LHX8: variants seen among roughly 807,000 people sequenced by gnomAD.
LHX8 encodes LIM homeobox 8.
Under a neutral mutation model 40.3 loss-of-function variants are expected in LHX8, and 12 were observed. That is an observed-to-expected ratio of 0.30 (90% CI 0.19 to 0.48). The LOEUF is 0.48. Among genes scored for constraint, LHX8 ranks in the 20% least tolerant of loss-of-function variants. The pLI is 0.99. For missense variants in LHX8, 344 were observed against 433.7 expected, an observed-to-expected ratio of 0.79 and a Z score of 1.84; for synonymous variants, 179 against 162.0, an observed-to-expected ratio of 1.10 and a Z score of -0.80.
chr1:75,174,533 A>G, the LHX8 span, among the ~76,000 whole-genome samples: 1 of 152,194 alleles, frequency 6.6e-6, no homozygotes, highest in African/African-American at 2.4e-5. Flanking sequence ...ACACACACAC[A>G]CACACGCCAC....
intron 6 of LHX8, among the ~76,000 whole-genome samples, chr1:75,146,238 C>G (rs937263800): frequency 6.6e-6 from 1 of 151,994 alleles, no homozygotes; most frequent in African/African-American, 2.4e-5. Flanking sequence ...TCAAGACTAT[C>G]TAGTCAGTAC....
chr1:75,195,136 T>A, the LHX8 span, among the ~76,000 whole-genome samples: 1 of 152,196 alleles, frequency 6.6e-6, no homozygotes, highest in Non-Finnish European at 1.5e-5. Context: ...TATCTGTCTC[T>A]CCTCTGCAAT....
the LHX8 span, among the ~76,000 whole-genome samples, chr1:75,197,938 A>G: frequency 6.6e-6 from 1 of 152,194 alleles, no homozygotes; most frequent in Non-Finnish European, 1.5e-5. Flanking sequence ...GAAACATTAA[A>G]TTTAACTGTT....
chr1:75,171,291 T>A, the LHX8 span, among the ~76,000 whole-genome samples: 3 of 152,170 alleles, frequency 2.0e-5, no homozygotes, highest in East Asian at 5.8e-4. Context: ...GTACACTTGG[T>A]AGCCAACATC....
At chr1:75,160,393 T>C (rs1648886231) in intron 8 of LHX8, 1 of 195,224 alleles carries the variant, frequency 5.1e-6, no homozygotes, top group Admixed American at 5.4e-5. Context: ...AACACAGTAG[T>C]GTTGCCTGAG....
chr1:75,152,667 G>A (rs1648641188), intron 7 of LHX8, among the ~76,000 whole-genome samples: 1 of 152,142 alleles, frequency 6.6e-6, no homozygotes, highest in Non-Finnish European at 1.5e-5. Context: ...TGAGTCCAAA[G>A]ATAAAACATG....
At position 75,128,787 on chromosome 1, in the gene LHX8, A is replaced by G. The variant is rs569962954; in HGVS notation, c.-490+179A>G. ...AATGTTATAGATTAACTCTCAAATA[A>G]ACCAGCGACAAAGGAGATGAAAAAG... On this transcript the variant is annotated intron_variant, in intron 1 of 9. Coordinates refer to the LHX8 transcript ENST00000294638. 3.3e-5 allele frequency among the ~76,000 whole-genome samples: 5 copies of G among 152,324 alleles called. No homozygotes were observed. The South Asian group carries it at 1.0e-3, about 32-fold the overall frequency.
At chr1:75,166,112 G>A (rs563610882), downstream of LHX8, among the ~76,000 whole-genome samples, 1 of 152,348 alleles carries the variant, frequency 6.6e-6, no homozygotes. Context: ...AGGTGATGGA[G>A]CACCAGAAGT....
chr1:75,187,427 G>T, the LHX8 span, among the ~76,000 whole-genome samples: 2 of 152,224 alleles, frequency 1.3e-5, no homozygotes, highest in Middle Eastern at 3.2e-3. Flanking sequence ...TCTTGGCTGA[G>T]AAATTATTAT....
the LHX8 span, among the ~76,000 whole-genome samples, chr1:75,171,855 A>G: frequency 5.9e-5 from 9 of 152,206 alleles, no homozygotes; most frequent in African/African-American, 2.2e-4. Flanking sequence ...CAGAGGGAGA[A>G]GGAGCATGGT....
chr1:75,160,853 G>T lies in LHX8; in HGVS notation c.999G>T (p.Leu333Phe). The T allele has an allele frequency of 6.2e-7, 1 of 1,613,212 alleles. No individual in the cohort carries two copies. Among genetic ancestry groups the T allele is most frequent in the Non-Finnish European group, 8.5e-7 (1 of 1,179,332 alleles). Residue 333 changes from leucine to phenylalanine, a missense_variant, in exon 9 of 9, where the codon TTG becomes TTT. Physicochemically the swap from Leu to Phe is conservative, Grantham distance 22. Around this residue, in one of 3 missense-constraint regions of LHX8, gnomAD observed 89 missense variants for 92.8 expected, o/e 0.96. Coordinates refer to ENST00000356261, the MANE Select transcript of LHX8 (RefSeq NM_001256114.2). ...CAACAACTCTTGGACTCCAGCCCTT[G>T]TTACCCCATTCAATGACACAACTGC... The part of the protein sequence containing the change: ...HSPTTLGLQP[L>F]LPHSMTQLPI...
downstream of LHX8, among the ~76,000 whole-genome samples, chr1:75,164,454 A>G (rs779118272): frequency 6.6e-6 from 1 of 152,078 alleles, no homozygotes; most frequent in Non-Finnish European, 1.5e-5. Flanking sequence ...TTTAATGTAT[A>G]TTCTTATTTC....
chr1:75,198,920 G>A, the LHX8 span, among the ~76,000 whole-genome samples: 1 of 152,188 alleles, frequency 6.6e-6, no homozygotes, highest in Non-Finnish European at 1.5e-5. Flanking sequence ...AGCTCATCAT[G>A]ACAGCAAAGC....
At chr1:75,133,306 T>C (rs1312262822), upstream of LHX8, among the ~76,000 whole-genome samples, 1 of 149,320 alleles carries the variant, frequency 6.7e-6, no homozygotes, top group Non-Finnish European at 1.5e-5. Flanking sequence ...TTACACAGGC[T>C]CACTTCATCA....
the LHX8 span, among the ~76,000 whole-genome samples, chr1:75,191,342 T>G: frequency 6.6e-6 from 1 of 152,120 alleles, no homozygotes; most frequent in Non-Finnish European, 1.5e-5. Context: ...GTCCCCATAA[T>G]AAGGCCTTGC....
the LHX8 span, among the ~76,000 whole-genome samples, chr1:75,183,380 A>G: frequency 6.6e-6 from 1 of 152,162 alleles, no homozygotes; most frequent in Non-Finnish European, 1.5e-5. Flanking sequence ...GCTAGAGAGA[A>G]AGGGCAGGTC....
upstream of LHX8, chr1:75,130,077 C>G (rs1322440766): frequency 1.9e-5 from 3 of 155,052 alleles, no homozygotes; most frequent in African/African-American, 4.8e-5. Flanking sequence ...GCTTAAGGCG[C>G]TATTGTCGGC....
chr1:75,193,979 G>T, the LHX8 span, among the ~76,000 whole-genome samples: 1 of 152,066 alleles, frequency 6.6e-6, no homozygotes. Context: ...TTATACATCT[G>T]ACCCCTCTCC....
the LHX8 span, among the ~76,000 whole-genome samples, chr1:75,166,872 T>C: frequency 6.6e-6 from 1 of 152,100 alleles, no homozygotes; most frequent in South Asian, 2.1e-4. Context: ...TCCTCTCCTG[T>C]TAGGATAGAA....
Sources: allele counts gnomAD v4.1 joint callset (sites outside exome capture counted in the v4.1 genomes callset), GRCh38; gene constraint gnomAD v4.1.1; regional missense constraint gnomAD v4.1.1; transcripts MANE v1.5; gene names NCBI Gene and HGNC (gene_info 2026-07-23, HGNC 2026-07-21).